RYR3: variants seen among roughly 807,000 people sequenced by gnomAD.
RYR3 encodes the protein brain ryanodine receptor-calcium release channel.
RYR3 carries 207 observed loss-of-function variants against 584.3 expected under a neutral mutation model. That is an observed-to-expected ratio of 0.35 (90% confidence interval 0.32 to 0.40). The LOEUF is 0.40. Among genes scored for constraint, RYR3 ranks in the 10% least tolerant of loss-of-function variants. RYR3 has a pLI of 1.00. For synonymous variants in RYR3, 2,416 were observed against 2,248.5 expected (o/e 1.07, Z -2.11); for missense variants, 5,616 against 6,089.2 (o/e 0.92, Z 2.59).
At chr15:33,813,431 G>T (rs752048870) in intron 73 of RYR3, 36 bp from the exon 74 acceptor site, 1 of 1,561,632 alleles carries the variant, frequency 6.4e-7, no homozygotes, top group South Asian at 1.1e-5. Context: ...CAGAAGATCA[G>T]CCTAATGTGC....
intron 1 of RYR3, among the ~76,000 whole-genome samples, chr15:33,472,938 T>C (rs2049049428): frequency 6.6e-6 from 1 of 152,114 alleles, no homozygotes; most frequent in Admixed American, 6.5e-5. Context: ...ATACACTGCC[T>C]TCCTCCAACA....
chr15:33,789,654 ATATATTTTTTTTTTTTTTTTTTT>A (rs1335534329), intron 67 of RYR3, among the ~76,000 whole-genome samples: 1 of 22,538 alleles, frequency 4.4e-5, no homozygotes, highest in Non-Finnish European at 7.8e-5. Context: ...ATATATATAT[ATATATTTTTTTTTTTTTTTTTTT>A]TTTTTTTTTT....
At chr15:33,783,243 G>C (rs552419328) in intron 65 of RYR3, among the ~76,000 whole-genome samples, 1 of 152,156 alleles carries the variant, frequency 6.6e-6, no homozygotes, top group South Asian at 2.1e-4. Flanking sequence ...ATTTTCAGCC[G>C]GTCTCCAGGT....
intron 1 of RYR3, among the ~76,000 whole-genome samples, chr15:33,399,708 C>G (rs528303808): frequency 1.1e-4 from 16 of 152,106 alleles, no homozygotes; most frequent in Non-Finnish European, 1.9e-4. Context: ...TGTACCTCCT[C>G]AACACCCCCA....
intron 2 of RYR3, among the ~76,000 whole-genome samples, chr15:33,497,032 C>A (rs188962013): frequency 6.6e-6 from 1 of 152,286 alleles, no homozygotes; most frequent in East Asian, 1.9e-4. Context: ...TAAGGACTGA[C>A]TACCTGCATG....
chr15:33,582,032 T>C (rs1045364640), intron 14 of RYR3, among the ~76,000 whole-genome samples: 17 of 152,240 alleles, frequency 1.1e-4, no homozygotes, highest in Admixed American at 2.6e-4. Context: ...CTCTCACTTG[T>C]CCACTTGTTA....
At chr15:33,329,245 T>C (rs960110833) in intron 1 of RYR3, among the ~76,000 whole-genome samples, 2 of 152,226 alleles carry the variant, frequency 1.3e-5, no homozygotes, top group African/African-American at 4.8e-5. Flanking sequence ...AGAACTCGTA[T>C]GTAATGCTAA....
chr15:33,497,596 C>T (rs2051553203), intron 2 of RYR3, among the ~76,000 whole-genome samples: 2 of 152,110 alleles, frequency 1.3e-5, no homozygotes, highest in Admixed American at 6.5e-5. Context: ...AAAATTGGCA[C>T]ATAAGAATTG....
chr15:33,511,801 C>T (rs181050852), intron 3 of RYR3, among the ~76,000 whole-genome samples: 9 of 152,186 alleles, frequency 5.9e-5, no homozygotes, highest in East Asian at 3.9e-4. Flanking sequence ...TTTTTTGAGA[C>T]GGAGTCTCGC....
intron 65 of RYR3, among the ~76,000 whole-genome samples, chr15:33,781,917 T>TG (rs1296163418): frequency 3.3e-5 from 5 of 151,904 alleles, no homozygotes; most frequent in Non-Finnish European, 4.4e-5. Context: ...AAATGAGTCC[T>TG]GGCTTTCCAC....
intron 31 of RYR3, 136 bp downstream of exon 31, chr15:33,649,371 A>G: frequency 2.5e-6 from 2 of 801,894 alleles, no homozygotes; most frequent in Non-Finnish European, 2.0e-6. Flanking sequence ...CACAGACTTC[A>G]AAGAAACAAA....
chr15:33,351,843 C>G (rs1595818147), intron 1 of RYR3, among the ~76,000 whole-genome samples: 1 of 150,770 alleles, frequency 6.6e-6, no homozygotes, highest in African/African-American at 2.4e-5. Flanking sequence ...CCTTTGAAAA[C>G]TGGCACAAGA....
At chr15:33,860,972 TAGAA>T (rs373518216) in intron 101 of RYR3, 102 bp from the exon 102 acceptor site, 19 of 918,862 alleles carry the variant, frequency 2.1e-5, no homozygotes, top group Middle Eastern at 2.1e-4. Context: ...CCAAAAGCAT[TAGAA>T]AGAAAGTTTT....
chr15:33,362,444 C>T (rs1156840910), intron 1 of RYR3, among the ~76,000 whole-genome samples: 1 of 152,184 alleles, frequency 6.6e-6, no homozygotes, highest in African/African-American at 2.4e-5. Context: ...GCAGCATCAG[C>T]ATCATCAGCA....
At chr15:33,795,970 A>G (rs773595811) in intron 67 of RYR3, among the ~76,000 whole-genome samples, 1 of 152,216 alleles carries the variant, frequency 6.6e-6, no homozygotes, top group Non-Finnish European at 1.5e-5. Flanking sequence ...GAAGGGAGTT[A>G]GGGTAAATCC....
At chr15:33,664,488 A>G (rs1447240438) in intron 36 of RYR3, among the ~76,000 whole-genome samples, 3 of 151,630 alleles carry the variant, frequency 2.0e-5, no homozygotes, top group Non-Finnish European at 4.4e-5. Flanking sequence ...TGTTCAAAAG[A>G]AAAGATAAAT....
intron 1 of RYR3, among the ~76,000 whole-genome samples, chr15:33,357,485 A>G (rs1009046140): frequency 3.3e-5 from 5 of 152,148 alleles, no homozygotes; most frequent in African/African-American, 1.2e-4. Flanking sequence ...TGGCATTCAA[A>G]ACCTTCAAAT....
intron 1 of RYR3, among the ~76,000 whole-genome samples, chr15:33,331,761 G>T (rs986486123): frequency 6.6e-6 from 1 of 151,762 alleles, no homozygotes; most frequent in Admixed American, 6.6e-5. Flanking sequence ...AAGAAGAAAT[G>T]GTAAGAAAAA....
chr15:33,728,812 T>G, intron 46 of RYR3, 45 bp from the exon 47 acceptor site: 2 of 1,567,134 alleles, frequency 1.3e-6, no homozygotes, highest in South Asian at 2.4e-5. Flanking sequence ...TTTTGAGACT[T>G]TGGAGACAGG....
Sources: allele counts gnomAD v4.1 joint callset (sites outside exome capture counted in the v4.1 genomes callset), GRCh38; gene constraint gnomAD v4.1.1; transcripts MANE v1.5; gene names NCBI Gene and HGNC (gene_info 2026-07-23, HGNC 2026-07-21).